GRIN2D: variants seen among roughly 807,000 people sequenced by gnomAD.
The protein encoded by GRIN2D is glutamate ionotropic receptor NMDA type subunit 2D.
Under a neutral mutation model 103.2 loss-of-function variants are expected in GRIN2D, and 37 were observed. The ratio of observed to expected loss-of-function variants is 0.36; its 90% CI spans 0.28 to 0.47. GRIN2D has a LOEUF of 0.47. Among genes scored for constraint, GRIN2D ranks in the 20% least tolerant of loss-of-function variants. The pLI, the probability that GRIN2D is intolerant of heterozygous loss-of-function variation, is 1.00. For synonymous variants in GRIN2D, 845 were observed against 885.6 expected (o/e 0.95, Z 0.81); for missense variants, 1,557 against 1,910.6 (o/e 0.81, Z 3.45).
At chr19:48,425,040 C>T (rs1971071460) in intron 11 of GRIN2D, among the ~76,000 whole-genome samples, 2 of 152,124 alleles carry the variant, frequency 1.3e-5, no homozygotes, top group African/African-American at 4.8e-5. Flanking sequence ...CTCTCTCTCT[C>T]TCTCACACAA....
chr19:48,442,491 A>T lies in GRIN2D; in HGVS notation c.2673+109A>T. 2.0e-6 allele frequency: 3 copies of T among 1,512,740 alleles called. No individual in the cohort carries two copies. Among genetic ancestry groups the T allele is most frequent in the Non-Finnish European group, 2.7e-6 (3 of 1,131,168 alleles). 93.7% of individuals were successfully genotyped at this position (1,512,740 alleles called of 1,614,324 possible). On this transcript the variant is annotated intron_variant, in intron 13 of 13. Transcript: ENST00000263269. This position sits in a 1 kb window ranked among gnomAD's most constrained non-coding sequence, Gnocchi z 7.2. ...GGTCGAGATGTGGATAGTGGGGAAG[A>T]GAGCGGGAAACACAGGCGGGTAAAT...
rs368206646 is a variant in GRIN2D, at chr19:48,415,011, C to G, written c.1560C>G (p.Val520=). 5 of 1,599,302 alleles carry G rather than the reference C, an allele frequency of 3.1e-6. No individual in the cohort carries two copies. Among genetic ancestry groups the G allele is most frequent in the Non-Finnish European group, 4.3e-6 (5 of 1,169,886 alleles). The change falls in exon 7 of 14, where the codon GTC becomes GTG. Residue 520 remains valine (V), a synonymous_variant. Transcript: ENST00000263269. ...NGKHGKKIDG[V]WNGMIGEVFY... ...AGCACGGAAAGAAGATCGATGGCGT[C>G]TGGAACGGCATGATCGGGGAGGTGA...
In GRIN2D at chr19:48,404,761, G is replaced by T; in HGVS notation, c.493G>T (p.Gly165Cys). The T allele has an allele frequency of 1.9e-6, 3 of 1,610,028 alleles. No individual in the cohort carries two copies. The highest frequency in any genetic ancestry group is 1.7e-6 in the Non-Finnish European group (2 of 1,177,348). The part of the protein sequence containing the change: ...KEKGSTFLQL[G>C]SSTEQQLQVI... ...GAAGGGCTCCACCTTCCTGCAGCTG[G>T]GCTCTTCCACCGAGCAACAGCTTCA... Residue 165 changes from glycine to cysteine, a missense_variant, in exon 4 of 14, where the codon GGC becomes TGC. By Grantham distance (159) the Gly-to-Cys change is radical. Around this residue, in one of 7 missense-constraint regions of GRIN2D, gnomAD observed 490 missense variants for 601.1 expected, o/e 0.82. Coordinates refer to ENST00000263269, the MANE Select transcript of GRIN2D (RefSeq NM_000836.4).
chr19:48,397,394 T>C (rs146196395), intron 2 of GRIN2D, among the ~76,000 whole-genome samples: 2,417 of 152,182 alleles, frequency 0.016, 40 homozygotes, highest in Middle Eastern at 0.082. Flanking sequence ...CGCCTTACTT[T>C]CATGTCTGTA....
chr19:48,432,668 A>T (rs1167869331), intron 11 of GRIN2D, among the ~76,000 whole-genome samples: 1 of 151,430 alleles, frequency 6.6e-6, no homozygotes, highest in East Asian at 2.0e-4. Context: ...TATGTTGCCC[A>T]GGCTGCTCTT....
chr19:48,407,584 C>T (rs1293641315), intron 4 of GRIN2D, among the ~76,000 whole-genome samples: 1 of 152,224 alleles, frequency 6.6e-6, no homozygotes, highest in South Asian at 2.1e-4. Flanking sequence ...TGAGCTGTGA[C>T]CTGAGGGATG....
rs373215275 is a variant in GRIN2D at position 48,436,263 on chromosome 19, T to C, written c.2253-5506T>C. Among the ~76,000 whole-genome samples the C allele has an allele frequency of 1.7e-4, 26 of 151,986 alleles. 1 individual carries two copies. Among genetic ancestry groups the C allele is most frequent in the East Asian group, 7.7e-4 (4 of 5,180 alleles). ...GGGCTTGGGAAGCGGGGAGTGCTGATTGGTCAGGTTGGAGTTGGACTCACA... is the reference window on the plus strand; with the variant it reads ...GGGCTTGGGAAGCGGGGAGTGCTGACTGGTCAGGTTGGAGTTGGACTCACA... On this transcript the variant is annotated intron_variant, in intron 11 of 13. Transcript: ENST00000263269.
chr19:48,398,311 G>A (rs1376071579), intron 2 of GRIN2D, 56 bp from the exon 3 acceptor site: 13 of 671,078 alleles, frequency 1.9e-5, no homozygotes, highest in Admixed American at 5.9e-5. Context: ...CCCTGTCCCT[G>A]CGTCTCCCGT....
At chr19:48,413,075 G>T (rs1305680780) in intron 4 of GRIN2D, among the ~76,000 whole-genome samples, 1 of 146,000 alleles carries the variant, frequency 6.8e-6, no homozygotes, top group Non-Finnish European at 1.5e-5. Flanking sequence ...GGCGGAGGTT[G>T]CAGTGAGCCG....
rs1173549645 is a variant in GRIN2D at position 48,419,572 on chromosome 19, T to C, written c.1862-13T>C. The C allele has an allele frequency of 1.1e-5, 17 of 1,593,376 alleles. No homozygotes were observed. Among genetic ancestry groups the C allele is most frequent in the Non-Finnish European group, 1.5e-5 (17 of 1,161,968 alleles). ...GGATTTGGGGTCCATGTCCACGTCC[T>C]GGCCCCCTGCAGGCCCTGGCGGTTC... On this transcript the variant is annotated splice_polypyrimidine_tract_variant and intron_variant, in intron 9 of 13. Coordinates refer to ENST00000263269, the MANE Select transcript of GRIN2D (RefSeq NM_000836.4).
At chr19:48,438,519 C>T (rs1488324744) in intron 11 of GRIN2D, among the ~76,000 whole-genome samples, 2 of 151,864 alleles carry the variant, frequency 1.3e-5, no homozygotes, top group African/African-American at 4.8e-5. Context: ...AGGATGGTCT[C>T]GATCTCCTGA....
At position 48,414,143 on chromosome 19, in the gene GRIN2D, T is replaced by C. The variant is rs1193862672; in HGVS notation, c.1200+38T>C. The C allele has an allele frequency of 1.7e-6, 2 of 1,211,316 alleles. No individual in the cohort carries two copies. Among genetic ancestry groups the C allele is most frequent in the Non-Finnish European group, 2.5e-6 (2 of 816,150 alleles). The allele number at this position is 1,211,316 out of a possible 1,614,324, so 75.0% of individuals were successfully genotyped here. A position where few individuals can be genotyped will look rare whatever the true frequency, so the allele number is the denominator to read the frequency against. On this transcript the variant is annotated intron_variant, in intron 5 of 13. Coordinates refer to ENST00000263269, the MANE Select transcript of GRIN2D (RefSeq NM_000836.4). The surrounding 1 kb of genome is among the most constrained non-coding windows in gnomAD (Gnocchi z 4.6). ...CCCAGACCTCAGGCATGGCAGAGGG[T>C]GTGGACTCCTGCATCCTGGCAGAGG...
rs747045258 is a variant in GRIN2D at position 48,443,416 on chromosome 19, G to A, written c.3490G>A (p.Gly1164Arg). ...SVDKLGGWRA[G>R]SWDYLPPRSG... ...CGACAAGCTCGGGGGCTGGCGCGCC[G>A]GGAGCTGGGACTACCTGCCCCCGCG... is the stretch of plus-strand genomic sequence containing the variant. The change falls in exon 14 of 14, where the codon GGG (glycine) becomes AGG (arginine). Residue 1164 changes from glycine (G) to arginine (R), a missense_variant. This residue lies in a region of GRIN2D where 632 missense variants were observed against 572.8 expected (regional missense o/e 1.10). Coordinates refer to ENST00000263269, the MANE Select transcript of GRIN2D (RefSeq NM_000836.4). This position sits in a 1 kb window ranked among gnomAD's most constrained non-coding sequence, Gnocchi z 8.9. 5 of 1,403,164 alleles carry A rather than the reference G, an allele frequency of 3.6e-6. No individual in the cohort carries two copies. The highest frequency in any genetic ancestry group is 4.6e-6 in the Non-Finnish European group (5 of 1,082,130). The allele number at this position is 1,403,164 out of a possible 1,614,324, so 86.9% of individuals were successfully genotyped here.
chr19:48,408,638 G>A (rs566827375), intron 4 of GRIN2D, among the ~76,000 whole-genome samples: 1 of 151,862 alleles, frequency 6.6e-6, no homozygotes, highest in African/African-American at 2.4e-5. Context: ...GGCCAACACA[G>A]GGAAACACCA....
chr19:48,408,925 G>A (rs1383501343), intron 4 of GRIN2D, among the ~76,000 whole-genome samples: 1 of 152,100 alleles, frequency 6.6e-6, no homozygotes, highest in Non-Finnish European at 1.5e-5. Flanking sequence ...AAGGCTCTGG[G>A]GCTGGAACTG....
chr19:48,443,377 C>G lies in GRIN2D; in HGVS notation c.3451C>G (p.Arg1151Gly). The change falls in exon 14 of 14, where the codon CGC (arginine) becomes GGC (glycine). Residue 1151 changes from arginine (R) to glycine (G), a missense_variant. Coordinates refer to ENST00000263269, the MANE Select transcript of GRIN2D (RefSeq NM_000836.4). This position sits in a 1 kb window ranked among gnomAD's most constrained non-coding sequence, Gnocchi z 8.9. ...CGAGCGCCTCGGGCCGCCGCCCGGC[C>G]GCTACTGGTCGGTCGACAAGCTCGG... ...YAERLGPPPG[R>G]YWSVDKLGGW... The G allele has an allele frequency of 6.8e-7, 1 of 1,472,380 alleles. No homozygotes were observed. Among genetic ancestry groups the G allele is most frequent in the Non-Finnish European group, 8.9e-7 (1 of 1,117,868 alleles). The allele number at this position is 1,472,380 out of a possible 1,614,324, so 91.2% of individuals were successfully genotyped here. A position where few individuals can be genotyped will look rare whatever the true frequency, so the allele number is the denominator to read the frequency against.
At chr19:48,439,870 G>A (rs1316527990) in intron 11 of GRIN2D, among the ~76,000 whole-genome samples, 1 of 152,200 alleles carries the variant, frequency 6.6e-6, no homozygotes, top group Non-Finnish European at 1.5e-5. Context: ...TTGATCCGGG[G>A]AGGCGGAGGT....
chr19:48,443,805 C>T lies in GRIN2D; in HGVS notation c.3879C>T (p.His1293=), dbSNP rs370934587. The T allele has an allele frequency of 2.1e-4, 309 of 1,477,052 alleles. 1 individual carries two copies. The African/African-American group carries it at 4.1e-3, about 19-fold the overall frequency. The allele number at this position is 1,477,052 out of a possible 1,614,324, so 91.5% of individuals were successfully genotyped here. A position where few individuals can be genotyped will look rare whatever the true frequency, so the allele number is the denominator to read the frequency against. Residue 1293 remains histidine (H), a synonymous_variant, in exon 14 of 14, where the codon CAC becomes CAT. Coordinates refer to ENST00000263269, the MANE Select transcript of GRIN2D (RefSeq NM_000836.4). This position sits in a 1 kb window ranked among gnomAD's most constrained non-coding sequence, Gnocchi z 8.9. ...GCAGGCTTACCGGGCCCTCCCGCCA[C>T]GCTCGCAGGTGTCCGCACGCCGCGC... ...PARRLTGPSR[H]ARRCPHAAHW...
At chr19:48,413,661 CA>C (rs11368422) in intron 4 of GRIN2D, among the ~76,000 whole-genome samples, 29 of 57,302 alleles carry the variant, frequency 5.1e-4, no homozygotes, top group Admixed American at 1.5e-3. Flanking sequence ...GACTCTGTCT[CA>C]AAAAAAAAAA....
Sources: gnomAD v4.1 joint callset for allele counts (sites outside exome capture counted in the v4.1 genomes callset) on GRCh38, gnomAD v4.1.1 for gene constraint, gnomAD v4.1.1 regional missense constraint, Gnocchi (gnomAD v3.1) non-coding constraint, MANE v1.5 for transcripts, NCBI Gene and HGNC (gene_info 2026-07-23, HGNC 2026-07-21) for gene names.